TNKS: variants seen among roughly 807,000 people sequenced by gnomAD.
TNKS encodes the protein tankyrase, also known as poly [ADP-ribose] polymerase tankyrase-1.
A neutral mutation model predicts 135.8 loss-of-function variants in TNKS; 72 were observed. That is an observed-to-expected ratio of 0.53 (90% CI 0.44 to 0.64). The LOEUF is 0.64. TNKS is among the 30% of genes least tolerant of loss of function. The pLI, the probability that TNKS is intolerant of heterozygous loss-of-function variation, is 0.00. For missense variants in TNKS, 1,769 were observed against 1,674.0 expected, an observed-to-expected ratio of 1.06 and a Z score of -0.99; for synonymous variants, 849 against 649.3, an observed-to-expected ratio of 1.31 and a Z score of -4.68.
chr8:9,731,022 G>A lies in TNKS; in HGVS notation c.2134G>A (p.Ala712Thr), dbSNP rs1462206287. ...GCTACACCACGGTGCCGATGTCCAT[G>A]CCAAAGACAAGGGGTACGTGTTAGA... ...YLLHHGADVH[A>T]KDKGGLVPLH... Residue 712 changes from alanine to threonine, a missense_variant, in exon 14 of 27, where the codon GCC (alanine) becomes ACC (threonine). By Grantham distance (58) the Ala-to-Thr change is moderately conservative. Coordinates refer to ENST00000310430, the MANE Select transcript of TNKS (RefSeq NM_003747.3). 2 of 1,610,056 alleles carry A rather than the reference G, an allele frequency of 1.2e-6. No individual in the cohort carries two copies. Among genetic ancestry groups the A allele is most frequent in the Non-Finnish European group, 1.7e-6 (2 of 1,178,060 alleles).
intron 26 of TNKS, among the ~76,000 whole-genome samples, chr8:9,772,715 G>A (rs188156467): frequency 7.9e-5 from 12 of 151,884 alleles, no homozygotes; most frequent in African/African-American, 2.7e-4. Context: ...ATATGTCTAT[G>A]CTTAGAAAAT....
chr8:9,677,328 G>A (rs1802585796), intron 3 of TNKS, among the ~76,000 whole-genome samples: 1 of 152,178 alleles, frequency 6.6e-6, no homozygotes, highest in Non-Finnish European at 1.5e-5. Context: ...GCTTATCCGG[G>A]AAGGAATAGC....
intron 5 of TNKS, among the ~76,000 whole-genome samples, chr8:9,684,861 T>C (rs1802922604): frequency 1.3e-5 from 2 of 152,130 alleles, no homozygotes; most frequent in Admixed American, 6.6e-5. Flanking sequence ...ATTAAGACAT[T>C]ATGGAAGACA....
intron 3 of TNKS, chr8:9,670,913 C>T (rs887429852): frequency 6.6e-6 from 1 of 152,070 alleles, no homozygotes; most frequent in Non-Finnish European, 1.5e-5. Context: ...TATGGAATGC[C>T]TATTACCCTG....
Position 9,556,285 on chromosome 8 carries a change from G to T in TNKS, c.346G>T (p.Val116Phe). The T allele has an allele frequency of 6.2e-7, 1 of 1,614,252 alleles. No homozygotes were observed. The highest frequency in any genetic ancestry group is 8.5e-7 in the Non-Finnish European group (1 of 1,180,044). ...PAVSTSSAAG[V>F]APNPAGSGSN... ...GGTTTCTACTTCATCTGCCGCTGGG[G>T]TCGCTCCCAACCCAGCCGGCAGTGG... The change falls in exon 1 of 27, where the codon GTC (valine) becomes TTC (phenylalanine). Residue 116 changes from valine (V) to phenylalanine (F), a missense_variant. Val to Phe is a conservative substitution (Grantham distance 50, BLOSUM62 -1). Around this residue, in one of 5 missense-constraint regions of TNKS, gnomAD observed 450 missense variants for 304.9 expected, o/e 1.48. Coordinates refer to ENST00000310430, the MANE Select transcript of TNKS (RefSeq NM_003747.3).
intron 12 of TNKS, among the ~76,000 whole-genome samples, chr8:9,721,496 AC>A (rs1804879399): frequency 6.6e-6 from 1 of 151,700 alleles, no homozygotes; most frequent in African/African-American, 2.4e-5. Flanking sequence ...CTCTTTCCTA[AC>A]CTTTTAATTT....
At chr8:9,684,702 G>T (rs1005051348) in intron 5 of TNKS, among the ~76,000 whole-genome samples, 1 of 152,086 alleles carries the variant, frequency 6.6e-6, no homozygotes, top group African/African-American at 2.4e-5. Flanking sequence ...GTAATTTTGA[G>T]TATTTCAGGT....
intron 2 of TNKS, among the ~76,000 whole-genome samples, chr8:9,589,541 T>C (rs758612216): frequency 2.4e-4 from 36 of 152,224 alleles, no homozygotes; most frequent in Non-Finnish European, 2.9e-4. Context: ...TCAAGTCCAC[T>C]CTTGTTGCTA....
intron 2 of TNKS, among the ~76,000 whole-genome samples, chr8:9,602,243 T>TA (rs1408103002): frequency 6.6e-6 from 1 of 152,190 alleles, no homozygotes; most frequent in Admixed American, 6.5e-5. Flanking sequence ...TAGGTTTAGC[T>TA]AGTTGATTAC....
At chr8:9,567,583 T>C (rs1797594562) in intron 1 of TNKS, among the ~76,000 whole-genome samples, 1 of 151,472 alleles carries the variant, frequency 6.6e-6, no homozygotes, top group Admixed American at 6.6e-5. Context: ...GCCCGGCTAA[T>C]TTTTTTTGTA....
intron 12 of TNKS, among the ~76,000 whole-genome samples, chr8:9,726,415 A>G (rs1554479054): frequency 6.6e-6 from 1 of 152,192 alleles, no homozygotes. Context: ...ATGTACATAC[A>G]TAAAAAAAGT....
At chr8:9,606,564 C>G (rs1369857950) in intron 2 of TNKS, among the ~76,000 whole-genome samples, 3 of 152,114 alleles carry the variant, frequency 2.0e-5, no homozygotes, top group Non-Finnish European at 4.4e-5. Flanking sequence ...CTATGTTTCA[C>G]TTCTTAAGAC....
chr8:9,760,637 T>G (rs532935516), intron 20 of TNKS, among the ~76,000 whole-genome samples: 12 of 152,328 alleles, frequency 7.9e-5, no homozygotes, highest in African/African-American at 2.9e-4. Flanking sequence ...AAATTGCATG[T>G]TCAGCCTTCA....
chr8:9,735,893 T>C (rs1182424550), intron 17 of TNKS, among the ~76,000 whole-genome samples: 1 of 152,112 alleles, frequency 6.6e-6, no homozygotes, highest in African/African-American at 2.4e-5. Flanking sequence ...AGTAAGTAGA[T>C]ATCTAACTAA....
intron 3 of TNKS, among the ~76,000 whole-genome samples, chr8:9,634,390 TAACTTTTG>T (rs1800424719): frequency 6.6e-6 from 1 of 152,164 alleles, no homozygotes; most frequent in African/African-American, 2.4e-5. Context: ...CTAATCTAAG[TAACTTTTG>T]AACGTAATTC....
At chr8:9,769,744 C>T (rs1412527542) in intron 25 of TNKS, among the ~76,000 whole-genome samples, 1 of 151,622 alleles carries the variant, frequency 6.6e-6, no homozygotes, top group Admixed American at 6.6e-5. Flanking sequence ...CTCAGCCTCC[C>T]AAGTAGCTGA....
Position 9,556,348 on chromosome 8 carries a change from T to G in TNKS, c.409T>G (p.Ser137Ala). ...ACCGTCGTCCTCTTCTTCCCCGACT[T>G]CTTCCTCATCTTCCTCTCCATCCTC... ...NSPSSSSSPT[S>A]SSSSSPSSPG... Residue 137 changes from serine to alanine, a missense_variant, in exon 1 of 27, where the codon TCT becomes GCT. Physicochemically the swap from Ser to Ala is moderately conservative, Grantham distance 99. Transcript: ENST00000310430. 2 of 1,614,244 alleles carry G rather than the reference T, an allele frequency of 1.2e-6. No individual in the cohort carries two copies. Among genetic ancestry groups the G allele is most frequent in the Non-Finnish European group, 1.7e-6 (2 of 1,180,038 alleles).
chr8:9,658,380 T>C (rs893143024), intron 3 of TNKS: 11 of 1,292,766 alleles, frequency 8.5e-6, no homozygotes, highest in African/African-American at 3.2e-5. Context: ...CGGCAAAGAC[T>C]GAGACAGCTC....
intron 11 of TNKS, among the ~76,000 whole-genome samples, chr8:9,711,420 G>A (rs1459736944): frequency 1.3e-5 from 2 of 152,156 alleles, no homozygotes; most frequent in Non-Finnish European, 2.9e-5. Flanking sequence ...GTGTCCAAAT[G>A]AGTTGAATTT....
Sources: gnomAD v4.1 joint callset for allele counts (sites outside exome capture counted in the v4.1 genomes callset) on GRCh38, gnomAD v4.1.1 for gene constraint, gnomAD v4.1.1 regional missense constraint, MANE v1.5 for transcripts, NCBI Gene and HGNC (gene_info 2026-07-23, HGNC 2026-07-21) for gene names.